Variants in PCBP3 observed in about 807,000 individuals in gnomAD.
PCBP3 encodes the protein poly(rC)-binding protein 3.
In PCBP3, 25 loss-of-function variants were observed where a neutral mutation model predicts 52.7. The ratio of observed to expected loss-of-function variants is 0.47; its 90% CI spans 0.35 to 0.66. The LOEUF (loss-of-function observed/expected upper bound fraction) is 0.66, where lower values mean the gene tolerates loss of function less well. PCBP3 is among the 30% of genes least tolerant of loss of function. The pLI is 0.01. For missense variants in PCBP3, 391 were observed against 490.3 expected, an observed-to-expected ratio of 0.80 and a Z score of 1.91; for synonymous variants, 162 against 183.0, an observed-to-expected ratio of 0.89 and a Z score of 0.93.
At chr21:45,764,868 C>T (rs900820946) in intron 4 of PCBP3, among the ~76,000 whole-genome samples, 4 of 152,170 alleles carry the variant, frequency 2.6e-5, no homozygotes, top group East Asian at 1.9e-4. Context: ...TTCCTGGGAA[C>T]GGGCTGGGGC....
rs187536913 is a variant in PCBP3 at position 45,827,433 on chromosome 21, G to C, written c.-125-22528G>C. ...CCAGTTCAGCTGACAAAAGGCAATCGACAGACACCAACACCAACACCCAGA... is the reference window on the plus strand; with the variant it reads ...CCAGTTCAGCTGACAAAAGGCAATCCACAGACACCAACACCAACACCCAGA... On this transcript the variant is annotated intron_variant, in intron 4 of 17. Transcript: ENST00000681687. The surrounding 1 kb of genome is among the most constrained non-coding windows in gnomAD (Gnocchi z 4.3). 6.8e-4 allele frequency among the ~76,000 whole-genome samples: 104 copies of C among 152,206 alleles called. No individual in the cohort carries two copies. The East Asian group carries it at 0.019, about 28-fold the overall frequency.
At chr21:45,814,670 AGTG>A (rs1429469034) in intron 4 of PCBP3, among the ~76,000 whole-genome samples, 5 of 79,320 alleles carry the variant, frequency 6.3e-5, no homozygotes, top group Admixed American at 1.2e-4. Flanking sequence ...GTGAGTGATG[AGTG>A]GTGAGTGGTG....
chr21:45,793,784 T>C (rs2091764508), intron 4 of PCBP3, among the ~76,000 whole-genome samples: 1 of 152,104 alleles, frequency 6.6e-6, no homozygotes, highest in Non-Finnish European at 1.5e-5. Flanking sequence ...ATCTTCAAAA[T>C]ACTCGGGAAA....
At chr21:45,691,448 ATG>A (rs2082471385) in intron 2 of PCBP3, among the ~76,000 whole-genome samples, 1 of 83,064 alleles carries the variant, frequency 1.2e-5, no homozygotes, top group African/African-American at 7.9e-5. Context: ...ATATATATGT[ATG>A]TATGTATGTG....
chr21:45,936,970 T>A (rs914484899), intron 16 of PCBP3, among the ~76,000 whole-genome samples: 7 of 152,164 alleles, frequency 4.6e-5, no homozygotes, highest in African/African-American at 1.7e-4. Flanking sequence ...CCATGCTTCT[T>A]CATGGAAAAG....
chr21:45,645,722 T>C (rs74757213), intron 1 of PCBP3, among the ~76,000 whole-genome samples: 74 of 152,348 alleles, frequency 4.9e-4, no homozygotes, highest in African/African-American at 1.7e-3. Context: ...TTGGATTCTG[T>C]GTATCAGTTT....
At chr21:45,697,205 T>C (rs1163231156) in intron 2 of PCBP3, among the ~76,000 whole-genome samples, 1 of 152,228 alleles carries the variant, frequency 6.6e-6, no homozygotes, top group Non-Finnish European at 1.5e-5. Flanking sequence ...CTAGAAGCTT[T>C]ATGCCTAATA....
Position 45,859,775 on chromosome 21 carries a change from C to T in PCBP3, c.10+9680C>T, listed in dbSNP as rs186081152. The T allele has an allele frequency of 5.6e-3, 849 of 152,522 alleles. 9 individuals carry two copies. Among genetic ancestry groups the T allele is most frequent in the Non-Finnish European group, 9.3e-3 (634 of 68,152 alleles). 9.4% of individuals were successfully genotyped at this position (152,522 alleles called of 1,614,324 possible). On this transcript the variant is annotated intron_variant, in intron 5 of 17. Transcript: ENST00000681687. ...AGCACAGCTGGACCCCAGGTGAGGG[C>T]ACTTCACCTCCCAGGCCTGGTCTCC...
chr21:45,905,981 G>A (rs1219326362), intron 9 of PCBP3, among the ~76,000 whole-genome samples: 1 of 152,162 alleles, frequency 6.6e-6, no homozygotes, highest in South Asian at 2.1e-4. Flanking sequence ...AGACTTCCTC[G>A]TCTCTGAACA....
chr21:45,917,582 C>T lies in PCBP3; in HGVS notation c.676-6C>T. ...GCAGTCTGACGGGGTCTCTCTCTCT[C>T]TCTAGGCCTACACAATCCAGGGACA... On this transcript the variant is annotated splice_region_variant and splice_polypyrimidine_tract_variant and intron_variant, in intron 12 of 17. Transcript: ENST00000681687. The surrounding 1 kb of genome is among the most constrained non-coding windows in gnomAD (Gnocchi z 5.3). The T allele has an allele frequency of 6.2e-7, 1 of 1,612,712 alleles. No homozygotes were observed. Among genetic ancestry groups the T allele is most frequent in the African/African-American group, 1.3e-5 (1 of 75,020 alleles).
chr21:45,720,973 C>G lies in PCBP3; in HGVS notation c.-199-14419C>G, dbSNP rs979110996. ...CTGGGTGTGGGGGCCCTTTCAGCTG[C>G]CACTTTGTGCTGCCCTGTGCTGCCC... On this transcript the variant is annotated intron_variant, in intron 2 of 17. Coordinates refer to ENST00000681687, the MANE Select transcript of PCBP3 (RefSeq NM_001384156.1). Among the ~76,000 whole-genome samples the G allele has an allele frequency of 2.0e-5, 3 of 152,370 alleles. No individual in the cohort carries two copies. The South Asian group carries it at 6.2e-4, about 32-fold the overall frequency.
chr21:45,911,477 G>T (rs904912632), intron 11 of PCBP3, among the ~76,000 whole-genome samples: 3 of 152,186 alleles, frequency 2.0e-5, no homozygotes, highest in Non-Finnish European at 4.4e-5. Flanking sequence ...AACCACCGTG[G>T]AGGAACAGAG....
chr21:45,725,874 TG>T (rs2084995023), intron 2 of PCBP3, among the ~76,000 whole-genome samples: 1 of 94,058 alleles, frequency 1.1e-5, no homozygotes, highest in Non-Finnish European at 2.2e-5. Flanking sequence ...AAGGAAGGGG[TG>T]GGGGGCAGCT....
chr21:45,816,997 C>T (rs2092985365), intron 4 of PCBP3, among the ~76,000 whole-genome samples: 1 of 152,066 alleles, frequency 6.6e-6, no homozygotes, highest in Non-Finnish European at 1.5e-5. Flanking sequence ...TGGGACTTTT[C>T]AGCTCCATTC....
At chr21:45,919,333 C>T (rs1402178266) in intron 13 of PCBP3, 7 of 152,294 alleles carry the variant, frequency 4.6e-5, no homozygotes, top group Non-Finnish European at 7.3e-5. Flanking sequence ...GGGAGGTGGC[C>T]GCCAGGTGAG....
intron 9 of PCBP3, among the ~76,000 whole-genome samples, chr21:45,908,255 C>T (rs1409119481): frequency 3.3e-5 from 5 of 152,092 alleles, no homozygotes; most frequent in Non-Finnish European, 7.4e-5. Context: ...AGACATGGCC[C>T]CATGAGAGCG....
intron 4 of PCBP3, among the ~76,000 whole-genome samples, chr21:45,839,977 A>C (rs2093665468): frequency 6.6e-6 from 1 of 151,920 alleles, no homozygotes; most frequent in Non-Finnish European, 1.5e-5. Context: ...ATGAGCCACC[A>C]CGCCTACCCC....
intron 3 of PCBP3, chr21:45,750,405 C>G (rs1384686165): frequency 5.2e-5 from 7 of 135,584 alleles, no homozygotes; most frequent in East Asian, 2.9e-4. Context: ...ACCCCCCCCC[C>G]CCCCCCTTCT....
chr21:45,831,526 T>G (rs753585219), intron 4 of PCBP3, among the ~76,000 whole-genome samples: 5 of 152,184 alleles, frequency 3.3e-5, no homozygotes, highest in Non-Finnish European at 2.9e-5. Context: ...AGTTTGGTTC[T>G]CAGCAGGATT....
Sources: allele counts gnomAD v4.1 joint callset (sites outside exome capture counted in the v4.1 genomes callset), GRCh38; gene constraint gnomAD v4.1.1; non-coding constraint Gnocchi (gnomAD v3.1); transcripts MANE v1.5; gene names NCBI Gene and HGNC (gene_info 2026-07-23, HGNC 2026-07-21).